The following PACRG variants were observed in gnomAD, a reference collection of about 807,000 sequenced individuals.
The protein encoded by PACRG is parkin coregulated gene protein.
A neutral mutation model predicts 29.7 loss-of-function variants in PACRG; 29 were observed. That is an observed-to-expected ratio of 0.98 (90% CI 0.73 to 1.33). The LOEUF (loss-of-function observed/expected upper bound fraction) is 1.33. Among genes scored for constraint, PACRG ranks in the 40% most tolerant of loss-of-function variants. The probability of loss-of-function intolerance (pLI) is 0.00; values close to 1 mark genes in which losing one functional copy is unlikely to be tolerated. For synonymous variants in PACRG, 116 were observed against 118.7 expected, an observed-to-expected ratio of 0.98 and a Z score of 0.15; for missense variants, 279 against 316.2, an observed-to-expected ratio of 0.88 and a Z score of 0.89.
At chr6:163,013,299 G>T (rs527296763) in intron 2 of PACRG, among the ~76,000 whole-genome samples, 30 of 146,124 alleles carry the variant, frequency 2.1e-4, no homozygotes, top group African/African-American at 7.6e-4. Context: ...TATTTTGGTA[G>T]CCATACTCAT....
chr6:163,226,366 A>G (rs564067733), intron 4 of PACRG, among the ~76,000 whole-genome samples: 14 of 152,360 alleles, frequency 9.2e-5, no homozygotes, highest in African/African-American at 3.4e-4. Context: ...CACCACAAAA[A>G]CATGAGAAGC....
intron 4 of PACRG, among the ~76,000 whole-genome samples, chr6:163,161,407 C>T (rs760342061): frequency 2.3e-4 from 35 of 152,052 alleles, no homozygotes; most frequent in Non-Finnish European, 4.0e-4. Flanking sequence ...TGTGATGCCT[C>T]GCAGAACATG....
At chr6:163,266,615 C>G (rs13194912) in intron 4 of PACRG, among the ~76,000 whole-genome samples, 38,070 of 152,024 alleles carry the variant, frequency 0.25, 5,035 homozygotes, top group Middle Eastern at 0.33. Flanking sequence ...TTTTTTTGCT[C>G]ACATTTATTG....
At chr6:163,124,466 A>C (rs1328795656) in intron 4 of PACRG, among the ~76,000 whole-genome samples, 1 of 152,242 alleles carries the variant, frequency 6.6e-6, no homozygotes, top group Non-Finnish European at 1.5e-5. Context: ...GGAGCCAACT[A>C]TGTGACCTTG....
At chr6:163,178,572 G>C (rs1291127757) in intron 4 of PACRG, among the ~76,000 whole-genome samples, 1 of 152,172 alleles carries the variant, frequency 6.6e-6, no homozygotes, top group Admixed American at 6.5e-5. Flanking sequence ...TGGTAGCCTG[G>C]TTGCTTCCTT....
chr6:162,879,071 G>C (rs1793610915), intron 2 of PACRG, among the ~76,000 whole-genome samples: 1 of 152,060 alleles, frequency 6.6e-6, no homozygotes, highest in Non-Finnish European at 1.5e-5. Context: ...TGCCTTCCTT[G>C]CCTTTAAAAA....
chr6:163,277,140 G>A (rs969631962), intron 4 of PACRG, among the ~76,000 whole-genome samples: 1 of 151,932 alleles, frequency 6.6e-6, no homozygotes, highest in African/African-American at 2.4e-5. Flanking sequence ...TTGGGGAACA[G>A]GTGGTGTTTG....
intron 4 of PACRG, among the ~76,000 whole-genome samples, chr6:163,191,236 A>T (rs1467747127): frequency 2.0e-5 from 3 of 152,168 alleles, no homozygotes; most frequent in African/African-American, 7.2e-5. Context: ...AGCAATAATT[A>T]AAAAACTAAC....
chr6:162,900,939 A>G (rs1795517953), intron 2 of PACRG, among the ~76,000 whole-genome samples: 1 of 152,172 alleles, frequency 6.6e-6, no homozygotes, highest in Non-Finnish European at 1.5e-5. Flanking sequence ...TATCTCCCTG[A>G]CTAGAATTCT....
At chr6:163,270,552 T>G (rs1176083374) in intron 4 of PACRG, among the ~76,000 whole-genome samples, 1 of 151,558 alleles carries the variant, frequency 6.6e-6, no homozygotes, top group Non-Finnish European at 1.5e-5. Flanking sequence ...TTTTTTTATT[T>G]CTTGTATAAA....
intron 1 of PACRG, among the ~76,000 whole-genome samples, chr6:162,770,642 C>T (rs1783147811): frequency 6.6e-6 from 1 of 152,118 alleles, no homozygotes; most frequent in Admixed American, 6.5e-5. Flanking sequence ...GTTATATACA[C>T]CTGCATTTTC....
At chr6:162,774,190 A>G (rs905593541) in intron 1 of PACRG, among the ~76,000 whole-genome samples, 5 of 152,222 alleles carry the variant, frequency 3.3e-5, no homozygotes, top group African/African-American at 1.2e-4. Context: ...CCAGTGCCAG[A>G]TGGGCCCACC....
chr6:162,820,655 T>A (rs922601807), intron 2 of PACRG, among the ~76,000 whole-genome samples: 1 of 150,614 alleles, frequency 6.6e-6, no homozygotes, highest in African/African-American at 2.5e-5. Context: ...TTTAAAAAAA[T>A]AATGCTATAT....
At chr6:162,979,008 A>T (rs1281653677) in intron 2 of PACRG, among the ~76,000 whole-genome samples, 2 of 152,198 alleles carry the variant, frequency 1.3e-5, no homozygotes, top group Non-Finnish European at 2.9e-5. Context: ...TCTCCTAGTT[A>T]ATTATTTAAT....
At chr6:163,057,017 GT>G (rs1476662931) in intron 2 of PACRG, among the ~76,000 whole-genome samples, 1 of 152,128 alleles carries the variant, frequency 6.6e-6, no homozygotes, top group Non-Finnish European at 1.5e-5. Context: ...AATGACCTCG[GT>G]TTTCTCAGGA....
intron 4 of PACRG, among the ~76,000 whole-genome samples, chr6:163,144,349 C>CACACACACACACACACATACAT (rs1777706708): frequency 1.0e-5 from 1 of 97,368 alleles, no homozygotes; most frequent in African/African-American, 4.8e-5. Context: ...CACATACATA[C>CACACACACACACACACATACAT]ACACACACAC....
chr6:163,104,374 T>A (rs1206551748), intron 4 of PACRG, among the ~76,000 whole-genome samples: 1 of 152,202 alleles, frequency 6.6e-6, no homozygotes, highest in Non-Finnish European at 1.5e-5. Context: ...GGATAAAATC[T>A]GTGTATGTAG....
intron 2 of PACRG, among the ~76,000 whole-genome samples, chr6:162,836,183 G>A (rs978439024): frequency 6.6e-6 from 1 of 152,054 alleles, no homozygotes; most frequent in African/African-American, 2.4e-5. Flanking sequence ...GGGAAAAAGA[G>A]ATAATCACTT....
intron 4 of PACRG, among the ~76,000 whole-genome samples, chr6:163,195,114 A>G (rs1438188118): frequency 6.6e-6 from 1 of 152,104 alleles, no homozygotes; most frequent in Non-Finnish European, 1.5e-5. Context: ...TGTCAAAAGG[A>G]GGTGATGTTT....
Sources: gnomAD v4.1 joint callset for allele counts (sites outside exome capture counted in the v4.1 genomes callset) on GRCh38, gnomAD v4.1.1 for gene constraint, MANE v1.5 for transcripts, NCBI Gene and HGNC (gene_info 2026-07-23, HGNC 2026-07-21) for gene names.